LMAN2L: variants seen among roughly 807,000 people sequenced by gnomAD.
LMAN2L encodes lectin, mannose binding 2 like.
A neutral mutation model predicts 44.3 loss-of-function variants in LMAN2L; 30 were observed. The ratio of observed to expected loss-of-function variants is 0.68; its 90% CI spans 0.51 to 0.92. The LOEUF (loss-of-function observed/expected upper bound fraction) is 0.92. Among genes scored for constraint, LMAN2L ranks in the 40% least tolerant of loss-of-function variants. The pLI, the probability that LMAN2L is intolerant of heterozygous loss-of-function variation, is 0.00. For synonymous variants in LMAN2L, 183 were observed against 171.1 expected (o/e 1.07, Z -0.54); for missense variants, 429 against 446.1 (o/e 0.96, Z 0.35).
intron 4 of LMAN2L, among the ~76,000 whole-genome samples, chr2:96,730,162 TGAAATG>T (rs1191047286): frequency 2.0e-5 from 3 of 152,206 alleles, no homozygotes; most frequent in African/African-American, 7.2e-5. Flanking sequence ...TATCTCATGG[TGAAATG>T]GAAGCTAACA....
rs756422598 is a variant in LMAN2L, at chr2:96,707,376, CA to C, written c.926del (p.Leu309ArgfsTer21). The C allele has an allele frequency of 1.2e-6, 2 of 1,612,680 alleles. No homozygotes were observed. The highest frequency in any genetic ancestry group is 1.7e-6 in the Non-Finnish European group (2 of 1,179,390). The stretch of plus-strand genomic sequence containing the variant: ...CGATGAGGAAGAGGGCCAGGCCACT[CA>C]GGGGCGGCAGTGGAGCTGTCACTGA... ...LPEMTAPLPP[L>X]SGLALFLIVF... is the part of the protein sequence containing the mutation. On this transcript the variant is annotated frameshift_variant, in exon 8 of 8. Coordinates refer to ENST00000264963, the MANE Select transcript of LMAN2L (RefSeq NM_030805.4). LOFTEE classifies it high-confidence loss of function.
chr2:96,712,558 A>G (rs150756966), intron 4 of LMAN2L, among the ~76,000 whole-genome samples: 234 of 152,358 alleles, frequency 1.5e-3, no homozygotes, highest in African/African-American at 5.5e-3. Context: ...TTTCAATTCT[A>G]AAATTCTATA....
rs2077784604 is a variant in LMAN2L, at chr2:96,706,533, T to A, written c.*723A>T. 1 of 152,230 alleles carries A rather than the reference T, an allele frequency of 6.6e-6. No homozygotes were observed. Among genetic ancestry groups the A allele is most frequent in the African/African-American group, 2.4e-5 (1 of 41,454 alleles). The allele number at this position is 152,230 out of a possible 1,614,324, so 9.4% of individuals were successfully genotyped here. A position where few individuals can be genotyped will look rare whatever the true frequency, so the allele number is the denominator to read the frequency against. ...ACTTCACTGAGGGCCTGAAGAGACT[T>A]GATTGGGAAGGCCATGGACATGCCA... On this transcript the variant is annotated 3_prime_UTR_variant, in exon 8 of 8. Transcript: ENST00000264963.
At chr2:96,713,724 G>A (rs2077977701) in intron 4 of LMAN2L, among the ~76,000 whole-genome samples, 1 of 152,148 alleles carries the variant, frequency 6.6e-6, no homozygotes, top group South Asian at 2.1e-4. Flanking sequence ...CCCTCTAACT[G>A]AGCCTTATGG....
intron 4 of LMAN2L, among the ~76,000 whole-genome samples, chr2:96,720,778 A>G (rs1417273684): frequency 6.6e-6 from 1 of 152,052 alleles, no homozygotes; most frequent in Non-Finnish European, 1.5e-5. Flanking sequence ...GTCTCTACTA[A>G]AAATACAAAA....
intron 4 of LMAN2L, among the ~76,000 whole-genome samples, chr2:96,728,029 T>C (rs1042502272): frequency 1.3e-5 from 2 of 152,234 alleles, no homozygotes; most frequent in Admixed American, 6.5e-5. Flanking sequence ...AAATAATGTA[T>C]GTGAAAGTGC....
chr2:96,716,482 CT>C (rs1414018849), intron 4 of LMAN2L, among the ~76,000 whole-genome samples: 1 of 152,152 alleles, frequency 6.6e-6, no homozygotes, highest in East Asian at 1.9e-4. Flanking sequence ...TGACCATTTG[CT>C]TTTGGGAACC....
At position 96,734,486 on chromosome 2, in the gene LMAN2L, T is replaced by A. The variant is rs750651501; in HGVS notation, c.347A>T (p.Lys116Ile). 6.2e-7 allele frequency: 1 copy of A among 1,613,716 alleles called. No individual in the cohort carries two copies. The highest frequency in any genetic ancestry group is 1.1e-5 in the South Asian group (1 of 91,068). ...ATTCTTCTTTCCTTGTCCATGGATT[T>A]TGAAGTGCACCTGCAACTCCCAGTC... ...LRDWELQVHF[K>I]IHGQGKKNLH... The change falls in exon 3 of 8, where the codon AAA (lysine) becomes ATA (isoleucine). Residue 116 changes from lysine to isoleucine, a missense_variant. Transcript: ENST00000264963.
In LMAN2L at chr2:96,730,871, C is replaced by T. The variant is rs193174403; in HGVS notation, c.507+2648G>A. On this transcript the variant is annotated intron_variant, in intron 4 of 7. Coordinates refer to ENST00000264963, the MANE Select transcript of LMAN2L (RefSeq NM_030805.4). ...TGTATTTTTAGTAGAGACGGGGTTT[C>T]GCCATGTTGGCCAGGATAGTCTCGG... Among the ~76,000 whole-genome samples the T allele has an allele frequency of 5.0e-4, 76 of 152,252 alleles. No homozygotes were observed. The East Asian group carries it at 0.013, about 26-fold the overall frequency.
At position 96,711,670 on chromosome 2, in the gene LMAN2L, G is replaced by C. The variant is rs1238449801; in HGVS notation, c.770C>G (p.Thr257Ser). 1 of 1,612,666 alleles carries C rather than the reference G, an allele frequency of 6.2e-7. No homozygotes were observed. The highest frequency in any genetic ancestry group is 8.5e-7 in the Non-Finnish European group (1 of 1,179,092). The stretch of plus-strand genomic sequence containing the variant: ...CGTGGCAGTACCTGAGAGATCCCCA[G>C]TGATGGAGGAGGTGCCGAAGTAGTA... The part of the protein sequence containing the change: ...RGYYFGTSSI[T>S]GDLSDNHDVI... Residue 257 changes from threonine to serine, a missense_variant, in exon 6 of 8, where the codon ACT becomes AGT. Thr to Ser is a moderately conservative substitution (Grantham distance 58). Coordinates refer to ENST00000264963, the MANE Select transcript of LMAN2L (RefSeq NM_030805.4).
chr2:96,726,061 G>A (rs2078263427), intron 4 of LMAN2L, among the ~76,000 whole-genome samples: 1 of 151,756 alleles, frequency 6.6e-6, no homozygotes, highest in African/African-American at 2.4e-5. Flanking sequence ...GAACCCAGGA[G>A]GCGGAGGTGG....
intron 4 of LMAN2L, among the ~76,000 whole-genome samples, chr2:96,722,573 C>A (rs987075531): frequency 6.6e-6 from 1 of 152,204 alleles, no homozygotes; most frequent in Non-Finnish European, 1.5e-5. Flanking sequence ...GCTGTAAATA[C>A]AGATAATGCT....
At chr2:96,721,383 A>G (rs548953287) in intron 4 of LMAN2L, among the ~76,000 whole-genome samples, 2 of 123,392 alleles carry the variant, frequency 1.6e-5, no homozygotes, top group Non-Finnish European at 3.1e-5. Context: ...CCCAGGCTGG[A>G]GTGCAGTGGT....
intron 4 of LMAN2L, among the ~76,000 whole-genome samples, chr2:96,721,423 C>T (rs2078152863): frequency 6.7e-6 from 1 of 148,460 alleles, no homozygotes; most frequent in Admixed American, 6.9e-5. Flanking sequence ...ACCTCGAGGT[C>T]CTGGGCTCAA....
At chr2:96,722,347 C>T (rs895270030) in intron 4 of LMAN2L, among the ~76,000 whole-genome samples, 1 of 151,702 alleles carries the variant, frequency 6.6e-6, no homozygotes, top group Non-Finnish European at 1.5e-5. Flanking sequence ...TAGAAATCAG[C>T]GGGAACCCTA....
At chr2:96,712,106 C>T (rs1472772574) in intron 4 of LMAN2L, 81 bp from the exon 5 acceptor site, 11 of 1,437,652 alleles carry the variant, frequency 7.7e-6, no homozygotes, top group African/African-American at 4.2e-5. Flanking sequence ...GAATTCAGCA[C>T]ATACAAGTTG....
At chr2:96,738,196 C>A in intron 1 of LMAN2L, 129 bp from the exon 2 acceptor site, 1 of 645,226 alleles carries the variant, frequency 1.5e-6, no homozygotes, top group South Asian at 1.9e-5. Context: ...CTCCTATCTT[C>A]TCTCAGTCAT....
chr2:96,735,328 A>G (rs985900462), intron 2 of LMAN2L, among the ~76,000 whole-genome samples: 24 of 152,234 alleles, frequency 1.6e-4, no homozygotes, highest in African/African-American at 5.3e-4. Flanking sequence ...AGGCTCTCCA[A>G]ATAGACTGTT....
chr2:96,718,485 T>G (rs2078086955), intron 4 of LMAN2L, among the ~76,000 whole-genome samples: 1 of 152,240 alleles, frequency 6.6e-6, no homozygotes, highest in South Asian at 2.1e-4. Flanking sequence ...CTAATTCTCC[T>G]GTAATGTATA....
Sources: allele counts gnomAD v4.1 joint callset (sites outside exome capture counted in the v4.1 genomes callset), GRCh38; gene constraint gnomAD v4.1.1; transcripts MANE v1.5; gene names NCBI Gene and HGNC (gene_info 2026-07-23, HGNC 2026-07-21).